The following KIAA0825 variants were observed in gnomAD, a reference collection of about 807,000 sequenced individuals.
KIAA0825 encodes the protein KIAA0825.
In KIAA0825, 119 loss-of-function variants were observed where a neutral mutation model predicts 147.6. That is an observed-to-expected ratio of 0.81 (90% CI 0.69 to 0.94). KIAA0825 has a LOEUF of 0.94. Ranked by LOEUF, KIAA0825 falls within the 40% of genes least tolerant of loss-of-function variation. KIAA0825 has a pLI of 0.00. For synonymous variants in KIAA0825, 470 were observed against 518.1 expected (o/e 0.91, Z 1.26); for missense variants, 1,381 against 1,472.7 (o/e 0.94, Z 1.02).
chr5:94,342,480 G>C (rs1033247354), intron 20 of KIAA0825, among the ~76,000 whole-genome samples: 2 of 152,154 alleles, frequency 1.3e-5, no homozygotes, highest in East Asian at 1.9e-4. Context: ...CTAAAATTCA[G>C]AGGATTCAAT....
At position 94,349,080 on chromosome 5, in the gene KIAA0825, A is replaced by G. The variant is rs575543443; in HGVS notation, c.3710+35288T>C. The stretch of plus-strand genomic sequence containing the variant: ...TCACCTAGCACATAAGGACTCACAT[A>G]AACTTAAATGGGTGGAAAAAGGCAT... On this transcript the variant is annotated intron_variant, in intron 20 of 20. Coordinates refer to ENST00000682413, the MANE Select transcript of KIAA0825 (RefSeq NM_001145678.3). 5.3e-5 allele frequency among the ~76,000 whole-genome samples: 8 copies of G among 152,026 alleles called. No individual in the cohort carries two copies. In the South Asian group the frequency reaches 1.5e-3, roughly 28 times the overall value.
At chr5:94,384,550 C>A in intron 19 of KIAA0825, 92 bp from the exon 20 acceptor site, 2 of 1,002,252 alleles carry the variant, frequency 2.0e-6, no homozygotes, top group Non-Finnish European at 3.1e-6. Context: ...GATAGACTAA[C>A]TAAGAAGGAG....
chr5:94,394,994 G>A (rs1335957418), intron 17 of KIAA0825, among the ~76,000 whole-genome samples: 1 of 152,108 alleles, frequency 6.6e-6, no homozygotes, highest in Non-Finnish European at 1.5e-5. Context: ...AACATTATTA[G>A]TTACCTTAAT....
intron 20 of KIAA0825, 132 bp from the exon 21 acceptor site, chr5:94,154,256 T>C: frequency 1.5e-6 from 1 of 664,472 alleles, no homozygotes; most frequent in Non-Finnish European, 2.7e-6. Flanking sequence ...CTTCACTGAC[T>C]GCCTCTTGGG....
chr5:94,402,781 G>C (rs1751553207), intron 16 of KIAA0825, among the ~76,000 whole-genome samples: 1 of 151,392 alleles, frequency 6.6e-6, no homozygotes, highest in African/African-American at 2.4e-5. Context: ...CTTAGAGTTA[G>C]TGAAAATATT....
intron 20 of KIAA0825, among the ~76,000 whole-genome samples, chr5:94,237,507 C>T (rs1388548154): frequency 2.0e-5 from 3 of 152,146 alleles, no homozygotes; most frequent in Non-Finnish European, 4.4e-5. Flanking sequence ...TGAGGGAGCC[C>T]TCCCGTCAAA....
rs73132684 is a variant in KIAA0825 at position 94,581,234 on chromosome 5, T to A, written c.-2+1199A>T. 2.7e-3 allele frequency among the ~76,000 whole-genome samples: 407 copies of A among 152,314 alleles called. 2 individuals carry two copies. Among genetic ancestry groups the A allele is most frequent in the African/African-American group, 9.4e-3 (389 of 41,574 alleles). On this transcript the variant is annotated intron_variant, in intron 2 of 20. Coordinates refer to ENST00000682413, the MANE Select transcript of KIAA0825 (RefSeq NM_001145678.3). ...CAAGAGGAATAAAATTTGAACAGAA[T>A]TATACCAACGTCATGTCTTGTTATT...
Position 94,417,210 on chromosome 5 carries a change from T to C in KIAA0825, c.2653A>G (p.Asn885Asp). 1 of 1,550,718 alleles carries C rather than the reference T, an allele frequency of 6.4e-7. No individual in the cohort carries two copies. The highest frequency in any genetic ancestry group is 8.7e-7 in the Non-Finnish European group (1 of 1,146,378). Residue 885 changes from asparagine to aspartate, a missense_variant, in exon 15 of 21, where the codon AAC (asparagine) becomes GAC (aspartate). Physicochemically the swap from Asn to Asp is conservative, Grantham distance 23 (BLOSUM62 1). Coordinates refer to ENST00000682413, the MANE Select transcript of KIAA0825 (RefSeq NM_001145678.3). Reference sequence around the variant, plus strand: ...AGTAAATGTCTCATACCTGGGATGTTATATAAAAAGTCCCATAATTGCTCT... The same window carrying C: ...AGTAAATGTCTCATACCTGGGATGTCATATAAAAAGTCCCATAATTGCTCT... The part of the protein sequence containing the change: ...EEEQLWDFLY[N>D]IPVSTCVEYE...
At chr5:94,214,960 A>C (rs887319086) in intron 20 of KIAA0825, among the ~76,000 whole-genome samples, 2 of 152,248 alleles carry the variant, frequency 1.3e-5, no homozygotes, top group African/African-American at 4.8e-5. Context: ...GGTCAAGATG[A>C]GGATAATCTA....
At chr5:94,402,350 A>G (rs923563175) in intron 16 of KIAA0825, among the ~76,000 whole-genome samples, 1 of 152,156 alleles carries the variant, frequency 6.6e-6, no homozygotes, top group Admixed American at 6.5e-5. Context: ...AATCATGCCT[A>G]CTGAATTGCT....
chr5:94,503,601 T>G (rs912305535), intron 5 of KIAA0825, among the ~76,000 whole-genome samples: 1 of 152,186 alleles, frequency 6.6e-6, no homozygotes, highest in Non-Finnish European at 1.5e-5. Context: ...CTGACAGGAA[T>G]GTCTCACCTG....
intron 20 of KIAA0825, among the ~76,000 whole-genome samples, chr5:94,269,579 G>C (rs1165958311): frequency 1.3e-5 from 2 of 151,816 alleles, no homozygotes; most frequent in African/African-American, 2.4e-5. Flanking sequence ...GTCAATGAAG[G>C]AATTAAGAGA....
intron 20 of KIAA0825, among the ~76,000 whole-genome samples, chr5:94,224,782 G>C (rs145654382): frequency 1.3e-5 from 2 of 152,256 alleles, no homozygotes; most frequent in African/African-American, 4.8e-5. Flanking sequence ...GTGTCTCTTT[G>C]TAGGCTCTCA....
At chr5:94,311,519 A>T (rs904096624) in intron 20 of KIAA0825, among the ~76,000 whole-genome samples, 3 of 151,638 alleles carry the variant, frequency 2.0e-5, no homozygotes, top group Non-Finnish European at 3.0e-5. Flanking sequence ...AAAAATACTG[A>T]CACTTACACC....
chr5:94,389,387 T>C (rs1584346492), intron 18 of KIAA0825, among the ~76,000 whole-genome samples: 2 of 152,362 alleles, frequency 1.3e-5, no homozygotes, highest in Admixed American at 1.3e-4. Flanking sequence ...TCTGGGTCTC[T>C]TCAGCCTCTT....
At chr5:94,248,745 T>A (rs539860599) in intron 20 of KIAA0825, among the ~76,000 whole-genome samples, 2 of 152,286 alleles carry the variant, frequency 1.3e-5, no homozygotes, top group East Asian at 3.9e-4. Context: ...CTGACAGCAG[T>A]GTGCACTGTG....
intron 14 of KIAA0825, among the ~76,000 whole-genome samples, chr5:94,428,139 CTT>C (rs1562487235): frequency 1.5e-5 from 2 of 129,434 alleles, no homozygotes; most frequent in African/African-American, 5.8e-5. Context: ...AGGATAAGGT[CTT>C]GTTGTGTGTG....
At chr5:94,166,854 A>C (rs1234636028) in intron 20 of KIAA0825, among the ~76,000 whole-genome samples, 1 of 152,040 alleles carries the variant, frequency 6.6e-6, no homozygotes, top group Non-Finnish European at 1.5e-5. Context: ...TAATAAAATC[A>C]TTATTAAATT....
At chr5:94,227,147 C>G (rs1157583685) in intron 20 of KIAA0825, among the ~76,000 whole-genome samples, 1 of 152,294 alleles carries the variant, frequency 6.6e-6, no homozygotes, top group East Asian at 1.9e-4. Context: ...GGAACCAACC[C>G]AAATGTCCAA....
Sources: allele counts gnomAD v4.1 joint callset (sites outside exome capture counted in the v4.1 genomes callset), GRCh38; gene constraint gnomAD v4.1.1; transcripts MANE v1.5; gene names NCBI Gene and HGNC (gene_info 2026-07-23, HGNC 2026-07-21).